Variants in LMAN2 observed in about 807,000 individuals in gnomAD.
The protein encoded by LMAN2 is lectin, mannose binding 2.
A neutral mutation model predicts 39.3 loss-of-function variants in LMAN2; 22 were observed. The observed-to-expected ratio is 0.56, with a 90% confidence interval of 0.40 to 0.80. The LOEUF (loss-of-function observed/expected upper bound fraction) is 0.80, where lower values mean the gene tolerates loss of function less well. Ranked by LOEUF, LMAN2 falls within the 30% of genes least tolerant of loss-of-function variation. The pLI is 0.00. For missense variants in LMAN2, 494 were observed against 505.4 expected (o/e 0.98, Z 0.22); for synonymous variants, 207 against 207.8 (o/e 1.00, Z 0.03).
chr5:177,332,384 G>A lies in LMAN2; in HGVS notation c.911-138C>T, dbSNP rs1456782038. ...CGTACTCACCCCCCTCACCGGGGAGGGGCAGAGGTCAGGTGAAGCCCATCC... is the reference window on the plus strand; with the variant it reads ...CGTACTCACCCCCCTCACCGGGGAGAGGCAGAGGTCAGGTGAAGCCCATCC... On this transcript the variant is annotated intron_variant, in intron 7 of 7. Coordinates refer to ENST00000303127, the MANE Select transcript of LMAN2 (RefSeq NM_006816.3). This position sits in a 1 kb window ranked among gnomAD's most constrained non-coding sequence, Gnocchi z 6.3. The A allele has an allele frequency of 7.8e-6, 6 of 767,710 alleles. No individual in the cohort carries two copies. The Admixed American group carries it at 1.5e-4, about 19-fold the overall frequency. 47.6% of individuals were successfully genotyped at this position (767,710 alleles called of 1,614,324 possible).
At chr5:177,333,815 CCTT>C (rs916806079) in intron 7 of LMAN2, among the ~76,000 whole-genome samples, 7 of 151,794 alleles carry the variant, frequency 4.6e-5, no homozygotes, top group Non-Finnish European at 1.0e-4. Flanking sequence ...CTCTCTCTCT[CCTT>C]CTAGCTAAGG....
chr5:177,335,253 C>G (rs967487848), intron 6 of LMAN2, among the ~76,000 whole-genome samples: 12 of 152,226 alleles, frequency 7.9e-5, no homozygotes, highest in African/African-American at 2.7e-4. Context: ...GGACAAGGAC[C>G]GGCCCTGGAG....
In LMAN2 at chr5:177,350,776, A is replaced by G. The variant is rs538043474; in HGVS notation, c.315+397T>C. 2.0e-5 allele frequency among the ~76,000 whole-genome samples: 3 copies of G among 152,372 alleles called. No individual in the cohort carries two copies. The East Asian group carries it at 5.8e-4, about 29-fold the overall frequency. On this transcript the variant is annotated intron_variant, in intron 2 of 7. Transcript: ENST00000303127. Reference sequence around the variant, plus strand: ...GCAAGGTCAGTGCCTAATACACAGCAAAACACCCAATAAAGATCCAGTTCG... The same window carrying G: ...GCAAGGTCAGTGCCTAATACACAGCGAAACACCCAATAAAGATCCAGTTCG...
rs2127315305 is a variant in LMAN2 at position 177,337,620 on chromosome 5, G to A, written c.513+86C>T. ...AATCCCTGGAGGCTCCTCTTGTGCTGGGACCATGGAAGTCCCAGGGCCCCC... is the reference window on the plus strand; with the variant it reads ...AATCCCTGGAGGCTCCTCTTGTGCTAGGACCATGGAAGTCCCAGGGCCCCC... On this transcript the variant is annotated intron_variant, in intron 4 of 7. Transcript: ENST00000303127. This position sits in a 1 kb window ranked among gnomAD's most constrained non-coding sequence, Gnocchi z 8.2. 1 of 1,605,192 alleles carries A rather than the reference G, an allele frequency of 6.2e-7. No individual in the cohort carries two copies. The highest frequency in any genetic ancestry group is 8.5e-7 in the Non-Finnish European group (1 of 1,174,894).
intron 2 of LMAN2, among the ~76,000 whole-genome samples, chr5:177,340,332 T>C (rs948081398): frequency 3.3e-5 from 5 of 152,188 alleles, no homozygotes; most frequent in Non-Finnish European, 7.3e-5. Flanking sequence ...TTTCTTTCTT[T>C]TCAATTTCAA....
intron 2 of LMAN2, among the ~76,000 whole-genome samples, chr5:177,341,700 C>T (rs776642238): frequency 7.2e-4 from 110 of 152,232 alleles, no homozygotes; most frequent in Admixed American, 2.0e-3. Flanking sequence ...CCAGAAGGAA[C>T]GAAGAACAAC....
At chr5:177,340,419 A>G (rs10040349) in intron 2 of LMAN2, among the ~76,000 whole-genome samples, 13,474 of 152,100 alleles carry the variant, frequency 0.089, 1,294 homozygotes, top group African/African-American at 0.25. Flanking sequence ...ACAGTACCCA[A>G]TAGGTAGTTT....
In LMAN2 at chr5:177,332,276, C is replaced by T. The variant is rs755902581; in HGVS notation, c.911-30G>A. ...GGGAGAAGAAACGGGGGAGCTGAAA[C>T]GGCAGCACGGGCCGGGGATCAGGGG... is the stretch of plus-strand genomic sequence containing the variant. On this transcript the variant is annotated intron_variant, in intron 7 of 7. Coordinates refer to ENST00000303127, the MANE Select transcript of LMAN2 (RefSeq NM_006816.3). The surrounding 1 kb of genome is among the most constrained non-coding windows in gnomAD (Gnocchi z 6.3). 18 of 1,604,226 alleles carry T rather than the reference C, an allele frequency of 1.1e-5. No homozygotes were observed. The highest frequency in any genetic ancestry group is 9.0e-5 in the East Asian group (4 of 44,692).
rs200897982 is a variant in LMAN2 at position 177,337,728 on chromosome 5, T to A, written c.491A>T (p.Tyr164Phe). The A allele has an allele frequency of 1.2e-6, 2 of 1,613,580 alleles. No individual in the cohort carries two copies. Among genetic ancestry groups the A allele is most frequent in the Non-Finnish European group, 1.7e-6 (2 of 1,179,892 alleles). The change falls in exon 4 of 8, where the codon TAC (tyrosine) becomes TTC (phenylalanine). Residue 164 changes from tyrosine (Y) to phenylalanine (F), a missense_variant. Transcript: ENST00000303127. The surrounding 1 kb of genome is among the most constrained non-coding windows in gnomAD (Gnocchi z 8.2). ...FHGLAIFLDT[Y>F]PNDETTERVF... is the part of the protein sequence containing the mutation. ...TACCTCAGTGGTCTCATCATTGGGG[T>A]AGGTGTCCAGGAAGATGGCTAAGCC... is the stretch of plus-strand genomic sequence containing the variant.
intron 2 of LMAN2, among the ~76,000 whole-genome samples, chr5:177,344,517 T>A (rs1314914845): frequency 6.6e-6 from 1 of 150,536 alleles, no homozygotes; most frequent in Non-Finnish European, 1.5e-5. Flanking sequence ...CCTGACCTCG[T>A]GATCCACCTA....
intron 2 of LMAN2, among the ~76,000 whole-genome samples, chr5:177,343,239 G>A (rs1206997937): frequency 6.6e-6 from 1 of 152,156 alleles, no homozygotes; most frequent in Non-Finnish European, 1.5e-5. Flanking sequence ...TGGCGACAGG[G>A]CGAGACTTCA....
chr5:177,341,873 T>G (rs966097665), intron 2 of LMAN2, among the ~76,000 whole-genome samples: 1 of 152,350 alleles, frequency 6.6e-6, no homozygotes. Context: ...GTACACATTA[T>G]CATTAGTCTT....
At chr5:177,350,453 T>C (rs1432172531) in intron 2 of LMAN2, among the ~76,000 whole-genome samples, 1 of 152,160 alleles carries the variant, frequency 6.6e-6, no homozygotes, top group Non-Finnish European at 1.5e-5. Flanking sequence ...GCTCACATAC[T>C]ACATACTACA....
At chr5:177,336,172 C>G (rs893412431) in intron 6 of LMAN2, among the ~76,000 whole-genome samples, 2 of 152,126 alleles carry the variant, frequency 1.3e-5, no homozygotes, top group African/African-American at 4.8e-5. Context: ...CGACATTCCA[C>G]GAGGGCATCA....
In LMAN2 at chr5:177,345,736, C is replaced by CATTTATTTATTTATTT. The variant is rs752212044; in HGVS notation, c.315+5421_315+5436dup. Among the ~76,000 whole-genome samples the CATTTATTTATTTATTT allele has an allele frequency of 5.9e-5, 8 of 135,554 alleles. No homozygotes were observed. In the South Asian group the frequency reaches 7.3e-4, roughly 12 times the overall value. 88.9% of individuals were successfully genotyped at this position (135,554 alleles called of 152,430 possible). ...GAAGGCTCGCAGCAGCCATGGCATGCATTTATTTATTTATTTATTTATTTA... is the reference window on the plus strand; with the variant it reads ...GAAGGCTCGCAGCAGCCATGGCATGCATTTATTTATTTATTTATTTATTTATTTATTTATTTATTTA... On this transcript the variant is annotated intron_variant, in intron 2 of 7. Transcript: ENST00000303127.
At position 177,351,552 on chromosome 5, in the gene LMAN2, AG is replaced by A. The variant is rs779242496; in HGVS notation, c.95del (p.Pro32LeufsTer11). 6.2e-7 allele frequency: 1 copy of A among 1,614,222 alleles called. No individual in the cohort carries two copies. The highest frequency in any genetic ancestry group is 2.2e-5 in the East Asian group (1 of 44,884). The part of the protein sequence containing the change: ...LLGPGPGPTT[P>X]LFLLLLLGSV... ...ACCCCAACAACAAAAGAAGAAAGAGAGGTGTAGTGGGGCCAGGGCCGGGGCC... is the reference window on the plus strand; with the variant it reads ...ACCCCAACAACAAAAGAAGAAAGAGAGTGTAGTGGGGCCAGGGCCGGGGCC... On this transcript the variant is annotated frameshift_variant, in exon 1 of 8. Coordinates refer to ENST00000303127, the MANE Select transcript of LMAN2 (RefSeq NM_006816.3). LOFTEE classifies it high-confidence loss of function.
intron 2 of LMAN2, among the ~76,000 whole-genome samples, chr5:177,340,269 T>A (rs2127316411): frequency 6.6e-6 from 1 of 152,254 alleles, no homozygotes; most frequent in East Asian, 1.9e-4. Context: ...CTAATTTTTT[T>A]CCCCGTGGTA....
intron 1 of LMAN2, 78 bp from the exon 2 acceptor site, chr5:177,351,369 G>A: frequency 6.2e-7 from 1 of 1,604,850 alleles, no homozygotes; most frequent in Non-Finnish European, 8.5e-7. Context: ...GAGATGCTCT[G>A]CTCAGGAGAA....
At chr5:177,344,739 C>T (rs1761609225) in intron 2 of LMAN2, among the ~76,000 whole-genome samples, 1 of 150,830 alleles carries the variant, frequency 6.6e-6, no homozygotes, top group Admixed American at 6.6e-5. Flanking sequence ...AAACCTCGTC[C>T]TACTAAAAAT....
Sources: allele counts gnomAD v4.1 joint callset (sites outside exome capture counted in the v4.1 genomes callset), GRCh38; gene constraint gnomAD v4.1.1; non-coding constraint Gnocchi (gnomAD v3.1); transcripts MANE v1.5; gene names NCBI Gene and HGNC (gene_info 2026-07-23, HGNC 2026-07-21).